The following TNXB variants were observed in gnomAD, a reference collection of about 807,000 sequenced individuals.
TNXB encodes the protein tenascin XB, also known as tenascin-X.
In TNXB, 183 loss-of-function variants were observed where a neutral mutation model predicts 340.5. The observed-to-expected ratio is 0.54, with a 90% confidence interval of 0.48 to 0.61. The LOEUF (loss-of-function observed/expected upper bound fraction) is 0.61. TNXB is among the 20% of genes least tolerant of loss of function. TNXB has a pLI of 0.00. For missense variants in TNXB, 4,613 were observed against 5,446.4 expected, an observed-to-expected ratio of 0.85 and a Z score of 4.82; for synonymous variants, 2,121 against 2,314.5, an observed-to-expected ratio of 0.92 and a Z score of 2.40.
chr6:32,061,427 C>G lies in TNXB; in HGVS notation c.7462G>C (p.Val2488Leu), dbSNP rs376140750. Residue 2488 changes from valine (V) to leucine (L), a missense_variant, in exon 21 of 44, where the codon GTG (valine) becomes CTG (leucine). Val to Leu is a conservative substitution (Grantham distance 32). Transcript: ENST00000644971. The surrounding 1 kb of genome is among the most constrained non-coding windows in gnomAD (Gnocchi z 4.4). ...HLYGLHEGRR[V>L]GPVSTVGVTA... The stretch of plus-strand genomic sequence containing the variant: ...ACGCCCACGGTGGACACCGGGCCCA[C>G]GCGCCGCCCCTCGTGGAGGCCATAC... The G allele has an allele frequency of 1.2e-5, 20 of 1,612,652 alleles. No individual in the cohort carries two copies. The highest frequency in any genetic ancestry group is 4.5e-5 in the East Asian group (2 of 44,880).
rs9380279 is a variant in TNXB, at chr6:32,096,752, G to C, written c.1101C>G (p.Asp367Glu). The part of the protein sequence containing the change: ...CVCWPGYTGE[D>E]CSTRTCPRDC... The stretch of plus-strand genomic sequence containing the variant: ...CCCTCGGACATGTCCGCGTGCTGCA[G>C]TCCTCGCCTGTGTACCCGGGCCAGC... The change falls in exon 3 of 44, where the codon GAC (aspartate) becomes GAG (glutamate). Residue 367 changes from aspartate to glutamate, a missense_variant. Asp to Glu is a conservative substitution (Grantham distance 45). Around this residue, in one of 7 missense-constraint regions of TNXB, gnomAD observed 4,327 missense variants for 4,859.4 expected, o/e 0.89. Transcript: ENST00000644971. 3.1e-5 allele frequency: 48 copies of C among 1,555,170 alleles called. 2 individuals are homozygous for C. The Middle Eastern group carries it at 5.1e-4, about 16-fold the overall frequency.
Position 32,046,174 on chromosome 6 carries a change from C to G in TNXB, c.10606+1G>C, listed in dbSNP as rs1441762256. On this transcript the variant is annotated splice_donor_variant, in intron 31 of 43. Coordinates refer to ENST00000644971, the MANE Select transcript of TNXB (RefSeq NM_001365276.2). LOFTEE classifies it high-confidence loss of function. The surrounding 1 kb of genome is among the most constrained non-coding windows in gnomAD (Gnocchi z 6.9). ...GCTATAGCCAGGCACAGCAGCCTCA[C>G]CTGTCATTCCCAGGGCAGAGACCGG... 3.2e-6 allele frequency: 5 copies of G among 1,579,950 alleles called. No homozygotes were observed.
chr6:32,084,394 T>C lies in TNXB; in HGVS notation c.3445+19A>G, dbSNP rs758552982. On this transcript the variant is annotated intron_variant, in intron 8 of 43. Coordinates refer to ENST00000644971, the MANE Select transcript of TNXB (RefSeq NM_001365276.2). This position sits in a 1 kb window ranked among gnomAD's most constrained non-coding sequence, Gnocchi z 5.5. Reference sequence around the variant, plus strand: ...CTTCAGGGCAGTACAGAGGGCAGGGTGTTACTGCTGTCACTCACAGATCTT... The same window carrying C: ...CTTCAGGGCAGTACAGAGGGCAGGGCGTTACTGCTGTCACTCACAGATCTT... The C allele has an allele frequency of 6.4e-7, 1 of 1,569,284 alleles. No homozygotes were observed. Among genetic ancestry groups the C allele is most frequent in the Non-Finnish European group, 8.7e-7 (1 of 1,153,978 alleles).
In TNXB at chr6:32,095,337, C is replaced by T. The variant is rs893793966; in HGVS notation, c.2243-146G>A. 1.1e-4 allele frequency: 80 copies of T among 732,320 alleles called. 1 individual carries two copies. Among genetic ancestry groups the T allele is most frequent in the Middle Eastern group, 7.4e-4 (3 of 4,038 alleles). The allele number at this position is 732,320 out of a possible 1,614,324, so 45.4% of individuals were successfully genotyped here. On this transcript the variant is annotated intron_variant, in intron 3 of 43. Transcript: ENST00000644971. ...GGAGAATAGCTGACAGAGGGCTGAACGGGGCTTGGATCGCCTTCACCTTCT... is the reference window on the plus strand; with the variant it reads ...GGAGAATAGCTGACAGAGGGCTGAATGGGGCTTGGATCGCCTTCACCTTCT...
chr6:32,055,135 T>C (rs1777548822), intron 24 of TNXB, among the ~76,000 whole-genome samples: 1 of 152,210 alleles, frequency 6.6e-6, no homozygotes, highest in South Asian at 2.1e-4. Context: ...AATAGGGTTA[T>C]CCCTTCTTCC....
rs1014638452 is a variant in TNXB at position 32,060,682 on chromosome 6, C to T, written c.7492+715G>A. On this transcript the variant is annotated intron_variant, in intron 21 of 43. Coordinates refer to ENST00000644971, the MANE Select transcript of TNXB (RefSeq NM_001365276.2). The stretch of plus-strand genomic sequence containing the variant: ...TTGAGACTGAGTTTGGCTGTATCTG[C>T]CAGGCTGGAGTGCAGTGGTGATCTC... Among the ~76,000 whole-genome samples the T allele has an allele frequency of 7.2e-5, 11 of 151,950 alleles. 1 individual carries two copies. Among genetic ancestry groups the T allele is most frequent in the African/African-American group, 2.7e-4 (11 of 41,196 alleles).
intron 4 of TNXB, chr6:32,093,489 G>A (rs1383158879): frequency 3.0e-6 from 2 of 671,966 alleles, no homozygotes; most frequent in Non-Finnish European, 5.5e-6. Flanking sequence ...AAAGCAAAGT[G>A]GAGTGAGGAT....
chr6:32,065,845 T>TC (rs1389870282), intron 18 of TNXB, among the ~76,000 whole-genome samples: 3 of 152,116 alleles, frequency 2.0e-5, no homozygotes, highest in African/African-American at 7.2e-5. Flanking sequence ...AGACGGGGTT[T>TC]CACCATGTTG....
chr6:32,064,758 T>A lies in TNXB; in HGVS notation c.6841+63A>T. On this transcript the variant is annotated intron_variant, in intron 19 of 43. Coordinates refer to ENST00000644971, the MANE Select transcript of TNXB (RefSeq NM_001365276.2). The surrounding 1 kb of genome is among the most constrained non-coding windows in gnomAD (Gnocchi z 5.3). ...AAAGTAAAATAAAGCCACCAGATAC[T>A]GACAATAAAAGGGAAACTGAGTCTA... 1 of 1,567,222 alleles carries A rather than the reference T, an allele frequency of 6.4e-7. No homozygotes were observed.
In TNXB at chr6:32,089,484, A is replaced by G. The variant is rs1779983758; in HGVS notation, c.2359-105T>C. ...CAATTCTAAACAGTGTCAGCATGGT[A>G]CTGTGTGGAACTTGACCCTGTACAA... On this transcript the variant is annotated intron_variant, in intron 4 of 43. Transcript: ENST00000644971. This position sits in a 1 kb window ranked among gnomAD's most constrained non-coding sequence, Gnocchi z 6.2. 4.3e-6 allele frequency: 6 copies of G among 1,394,044 alleles called. No individual in the cohort carries two copies. The highest frequency in any genetic ancestry group is 4.8e-6 in the Non-Finnish European group (5 of 1,045,794). The allele number at this position is 1,394,044 out of a possible 1,614,324, so 86.4% of individuals were successfully genotyped here.
intron 23 of TNXB, 135 bp downstream of exon 23, chr6:32,056,451 C>T: frequency 2.1e-6 from 3 of 1,446,064 alleles, no homozygotes; most frequent in Admixed American, 2.1e-5. Flanking sequence ...AGAGGAAGGC[C>T]CAAGGGGAGC....
intron 1 of TNXB, among the ~76,000 whole-genome samples, chr6:32,105,736 G>A (rs1024470592): frequency 1.3e-5 from 2 of 152,194 alleles, no homozygotes; most frequent in Non-Finnish European, 2.9e-5. Flanking sequence ...GGACCAGATG[G>A]TACAAGCACT....
intron 1 of TNXB, among the ~76,000 whole-genome samples, chr6:32,101,118 A>G (rs1780700701): frequency 6.6e-6 from 1 of 151,940 alleles, no homozygotes; most frequent in Non-Finnish European, 1.5e-5. Context: ...GCAAAACAAA[A>G]TAAGCCAAAA....
At position 32,073,974 on chromosome 6, in the gene TNXB, G is replaced by A; in HGVS notation, c.4376-22C>T. On this transcript the variant is annotated intron_variant, in intron 11 of 43. Transcript: ENST00000644971. This position sits in a 1 kb window ranked among gnomAD's most constrained non-coding sequence, Gnocchi z 4.6. ...GGGGCTGGGACAGAGATGGTAGGGG[G>A]CTGTTAGTAAAGAATCCCCCTTTTC... 2.6e-6 allele frequency: 4 copies of A among 1,547,442 alleles called. No homozygotes were observed. Among genetic ancestry groups the A allele is most frequent in the Non-Finnish European group, 3.5e-6 (4 of 1,144,128 alleles).
At position 32,081,537 on chromosome 6, in the gene TNXB, G is replaced by A. The variant is rs1779438824; in HGVS notation, c.3873C>T (p.Phe1291=). The part of the protein sequence containing the change: ...WTVAQGPFDS[F]MVQYKDAQGQ... ...CCTGTGCATCCTTGTACTGGACCAT[G>A]AATGAGTCGAAGGGGCCCTGGGCCA... is the stretch of plus-strand genomic sequence containing the variant. Residue 1291 remains phenylalanine (F), a synonymous_variant, in exon 10 of 44, where the codon TTC becomes TTT. Coordinates refer to ENST00000644971, the MANE Select transcript of TNXB (RefSeq NM_001365276.2). The surrounding 1 kb of genome is among the most constrained non-coding windows in gnomAD (Gnocchi z 5.1). 3.1e-6 allele frequency: 5 copies of A among 1,605,806 alleles called. No homozygotes were observed. Among genetic ancestry groups the A allele is most frequent in the Non-Finnish European group, 4.3e-6 (5 of 1,176,424 alleles).
chr6:32,069,825 C>T lies in TNXB; in HGVS notation c.5315G>A (p.Arg1772His), dbSNP rs979695955. Residue 1772 changes from arginine (R) to histidine (H), a missense_variant, in exon 15 of 44, where the codon CGT becomes CAT. Physicochemically the swap from Arg to His is conservative, Grantham distance 29 (BLOSUM62 0). Coordinates refer to ENST00000644971, the MANE Select transcript of TNXB (RefSeq NM_001365276.2). The surrounding 1 kb of genome is among the most constrained non-coding windows in gnomAD (Gnocchi z 6.2). ...CTCCCCCAGACGGGGTTTTGGGGGA[C>T]GCTTTGTTCCAGTATCATCCATAGC... ...RSAMDDTGTK[R>H]PPKPRLGEEL... The T allele has an allele frequency of 3.7e-6, 6 of 1,608,324 alleles. No homozygotes were observed. Among genetic ancestry groups the T allele is most frequent in the South Asian group, 1.1e-5 (1 of 90,360 alleles).
rs536428325 is a variant in TNXB, at chr6:32,056,592, C to A, written c.8137G>T (p.Val2713Leu). Residue 2713 changes from valine (V) to leucine (L), a missense_variant, in exon 23 of 44, where the codon GTG becomes TTG. Around this residue, in one of 7 missense-constraint regions of TNXB, gnomAD observed 4,327 missense variants for 4,859.4 expected, o/e 0.89. Coordinates refer to ENST00000644971, the MANE Select transcript of TNXB (RefSeq NM_001365276.2). Reference sequence around the variant, plus strand: ...GCTGCCATCATCCACTCACCCGTCACCCCAATGACAGAGATGGGGCCCACG... The same window carrying A: ...GCTGCCATCATCCACTCACCCGTCAACCCAATGACAGAGATGGGGCCCACG... ...QRVGPISVIG[V>L]TAAEEETPSP... is the part of the protein sequence containing the mutation. 1.9e-6 allele frequency: 3 copies of A among 1,612,994 alleles called. No individual in the cohort carries two copies. The highest frequency in any genetic ancestry group is 1.3e-5 in the African/African-American group (1 of 75,050).
At chr6:32,059,615 A>C (rs1777891189) in intron 21 of TNXB, among the ~76,000 whole-genome samples, 1 of 151,810 alleles carries the variant, frequency 6.6e-6, no homozygotes, top group Non-Finnish European at 1.5e-5. Flanking sequence ...GGACCAGGAC[A>C]GCTTACCCCC....
At position 32,081,345 on chromosome 6, in the gene TNXB, G is replaced by A. The variant is rs569831116; in HGVS notation, c.4042+23C>T. On this transcript the variant is annotated intron_variant, in intron 10 of 43. Transcript: ENST00000644971. The surrounding 1 kb of genome is among the most constrained non-coding windows in gnomAD (Gnocchi z 5.1). ...CACAGGATGGGGCTAGCAGGGGAGGGAGGCCTGGCAGCCATGACTCACCAG... is the reference window on the plus strand; with the variant it reads ...CACAGGATGGGGCTAGCAGGGGAGGAAGGCCTGGCAGCCATGACTCACCAG... 3 of 1,519,822 alleles carry A rather than the reference G, an allele frequency of 2.0e-6. No homozygotes were observed. In the East Asian group the frequency reaches 7.5e-5, roughly 38 times the overall value. 94.1% of individuals were successfully genotyped at this position (1,519,822 alleles called of 1,614,324 possible).
Sources: allele counts gnomAD v4.1 joint callset (sites outside exome capture counted in the v4.1 genomes callset), GRCh38; gene constraint gnomAD v4.1.1; regional missense constraint gnomAD v4.1.1; non-coding constraint Gnocchi (gnomAD v3.1); transcripts MANE v1.5; gene names NCBI Gene and HGNC (gene_info 2026-07-23, HGNC 2026-07-21).